The following TNK2 variants were observed in gnomAD, a reference collection of about 807,000 sequenced individuals.
TNK2 encodes tyrosine kinase non receptor 2.
A neutral mutation model predicts 101.8 loss-of-function variants in TNK2; 83 were observed. The ratio of observed to expected loss-of-function variants is 0.82; its 90% CI spans 0.68 to 0.98. The LOEUF (loss-of-function observed/expected upper bound fraction) is 0.98. TNK2 is among the 50% of genes least tolerant of loss of function. The pLI is 0.00. For missense variants in TNK2, 1,665 were observed against 1,483.2 expected, an observed-to-expected ratio of 1.12 and a Z score of -2.01; for synonymous variants, 804 against 633.0, an observed-to-expected ratio of 1.27 and a Z score of -4.06.
At chr3:195,879,027 G>T in intron 7 of TNK2, 22 bp downstream of exon 7, 1 of 1,611,438 alleles carries the variant, frequency 6.2e-7, no homozygotes, top group Non-Finnish European at 8.5e-7. Flanking sequence ...AGCCCTATGG[G>T]GGCCCGTCTC....
At chr3:195,881,485 C>CA (rs1399299295) in intron 6 of TNK2, among the ~76,000 whole-genome samples, 3 of 117,566 alleles carry the variant, frequency 2.6e-5, no homozygotes, top group Non-Finnish European at 1.8e-5. Flanking sequence ...CCTCTAACAC[C>CA]CCCCCCAGCA....
At chr3:195,873,498 G>C (rs76861300) in intron 9 of TNK2, among the ~76,000 whole-genome samples, 3 of 106,212 alleles carry the variant, frequency 2.8e-5, no homozygotes, top group Non-Finnish European at 6.1e-5. Context: ...TGTCTGGGCA[G>C]GCGGGGGCGG....
intron 9 of TNK2, 124 bp from the exon 10 acceptor site, chr3:195,872,594 G>T: frequency 9.8e-7 from 1 of 1,021,360 alleles, no homozygotes; most frequent in Non-Finnish European, 1.4e-6. Flanking sequence ...GGACCAGGCT[G>T]TGTGCCACCG....
At chr3:195,871,335 G>A (rs967923474) in intron 10 of TNK2, among the ~76,000 whole-genome samples, 2 of 152,100 alleles carry the variant, frequency 1.3e-5, no homozygotes, top group Non-Finnish European at 2.9e-5. Flanking sequence ...CTGTGTGGTG[G>A]GGAGGCGGAG....
chr3:195,869,383 A>ACCCCCCC, intron 12 of TNK2, 114 bp downstream of exon 12: 1 of 1,052,608 alleles, frequency 9.5e-7, no homozygotes. Flanking sequence ...CTCACAGCAC[A>ACCCCCCC]CACCCACCCA....
intron 6 of TNK2, 149 bp from the exon 7 acceptor site, chr3:195,879,324 C>G: frequency 8.2e-7 from 1 of 1,222,128 alleles, no homozygotes; most frequent in South Asian, 1.5e-5. Flanking sequence ...GTGAAGCGGG[C>G]AGGACCCCTT....
chr3:195,895,623 C>T (rs966776730), intron 1 of TNK2: 1 of 1,288,806 alleles, frequency 7.8e-7, no homozygotes, highest in Non-Finnish European at 9.8e-7. Flanking sequence ...TGACCCCCAC[C>T]GAGAGCCGGG....
At chr3:195,887,586 T>C (rs1756283602) in intron 2 of TNK2, among the ~76,000 whole-genome samples, 2 of 152,248 alleles carry the variant, frequency 1.3e-5, no homozygotes, top group African/African-American at 4.8e-5. Context: ...TGACACATTA[T>C]TACCTATTTA....
chr3:195,907,039 T>C lies in TNK2; in HGVS notation c.-19+1446A>G, dbSNP rs182598393. ...AGGAAGTTACACAGCTTGTAAGCGA[T>C]ATAACCAGATCAAAAGCAATCTGTG... On this transcript the variant is annotated intron_variant, in intron 1 of 15. Transcript: ENST00000672887. 1.6e-3 allele frequency among the ~76,000 whole-genome samples: 238 copies of C among 152,258 alleles called. 2 individuals are homozygous for C. Among genetic ancestry groups the C allele is most frequent in the African/African-American group, 5.3e-3 (220 of 41,548 alleles).
chr3:195,883,986 T>C (rs1754456937), intron 4 of TNK2: 1 of 152,450 alleles, frequency 6.6e-6, no homozygotes, highest in African/African-American at 2.4e-5. Context: ...AAGGACGCAC[T>C]GAGTGGACGG....
intron 15 of TNK2, among the ~76,000 whole-genome samples, chr3:195,865,292 CAGTA>C (rs1337921156): frequency 6.9e-6 from 1 of 144,050 alleles, no homozygotes; most frequent in African/African-American, 2.6e-5. Context: ...AGGTGCAAAT[CAGTA>C]AGAACCACCC....
rs575254100 is a variant in TNK2, at chr3:195,873,118, T to C, written c.1257-648A>G. Among the ~76,000 whole-genome samples the C allele has an allele frequency of 4.2e-3, 638 of 152,256 alleles. 2 individuals are homozygous for C. The highest frequency in any genetic ancestry group is 6.9e-3 in the Non-Finnish European group (472 of 67,984). ...GCTTTCCACCACCTCCCGGAAGGCCTGCGGGAGCCTCCCCGTCTCCTCAGG... is the reference window on the plus strand; with the variant it reads ...GCTTTCCACCACCTCCCGGAAGGCCCGCGGGAGCCTCCCCGTCTCCTCAGG... On this transcript the variant is annotated intron_variant, in intron 9 of 15. Transcript: ENST00000672887.
Position 195,883,226 on chromosome 3 carries a change from G to C in TNK2, c.540C>G (p.Ala180=). 6.2e-7 allele frequency: 1 copy of C among 1,611,394 alleles called. No individual in the cohort carries two copies. The highest frequency in any genetic ancestry group is 8.5e-7 in the Non-Finnish European group (1 of 1,179,536). ...AMDDFIREVN[A]MHSLDHRNLI... is the part of the protein sequence containing the mutation. ...GGTTTCGGTGGTCGAGCGAGTGCAT[G>C]GCATTGACCTCCCGGATGAAGTCGT... is the stretch of plus-strand genomic sequence containing the variant. The change falls in exon 5 of 16, where the codon GCC becomes GCG. Residue 180 remains alanine, a synonymous_variant. Coordinates refer to ENST00000672887, the MANE Select transcript of TNK2 (RefSeq NM_001382273.1).
intron 9 of TNK2, among the ~76,000 whole-genome samples, chr3:195,874,384 C>T (rs917518356): frequency 2.0e-5 from 3 of 152,204 alleles, no homozygotes; most frequent in African/African-American, 7.2e-5. Flanking sequence ...CAGGTATGGC[C>T]GAGGCAAGAG....
At chr3:195,874,314 G>A (rs559925224) in intron 9 of TNK2, among the ~76,000 whole-genome samples, 94 of 152,348 alleles carry the variant, frequency 6.2e-4, no homozygotes, top group African/African-American at 2.2e-3. Context: ...AGGCACAGAA[G>A]CCTCCTTTGG....
In TNK2 at chr3:195,890,456, T is replaced by G. The variant is rs1029989740; in HGVS notation, c.-18-1850A>C. On this transcript the variant is annotated intron_variant, in intron 1 of 15. Coordinates refer to ENST00000672887, the MANE Select transcript of TNK2 (RefSeq NM_001382273.1). ...GAAAGTACTTTTATAGTTTTTTGGT[T>G]TTTTTTTTTTTTTTTTTTGAGACAG... 1.3e-4 allele frequency among the ~76,000 whole-genome samples: 6 copies of G among 47,680 alleles called. No homozygotes were observed. The South Asian group carries it at 1.7e-3, about 13-fold the overall frequency. The allele number at this position is 47,680 out of a possible 152,430, so 31.3% of individuals were successfully genotyped here.
chr3:195,878,235 C>G lies in TNK2; in HGVS notation c.1256+18G>C. 6.2e-7 allele frequency: 1 copy of G among 1,612,680 alleles called. No individual in the cohort carries two copies. The highest frequency in any genetic ancestry group is 8.5e-7 in the Non-Finnish European group (1 of 1,178,764). Reference sequence around the variant, plus strand: ...CTTCAAGCGATCCCAGGGCGGGGCCCAGCCCTGCACTCCCTACCTTCCCTC... The same window carrying G: ...CTTCAAGCGATCCCAGGGCGGGGCCGAGCCCTGCACTCCCTACCTTCCCTC... On this transcript the variant is annotated intron_variant, in intron 9 of 15. Coordinates refer to ENST00000672887, the MANE Select transcript of TNK2 (RefSeq NM_001382273.1). This position sits in a 1 kb window ranked among gnomAD's most constrained non-coding sequence, Gnocchi z 4.7.
chr3:195,870,247 G>T, intron 10 of TNK2, 42 bp from the exon 11 acceptor site: 1 of 1,600,086 alleles, frequency 6.2e-7, no homozygotes, highest in Middle Eastern at 1.7e-4. Flanking sequence ...GGGGAAGCGT[G>T]TGGAGGGGTG....
rs889260118 is a variant in TNK2, at chr3:195,886,822, C to G, written c.234+155G>C. ...CCAGCAGCTCTACAAGTGCCCTGCC[C>G]GATAAGACCCTGGACGAGGGGGTCC... On this transcript the variant is annotated intron_variant, in intron 3 of 15. Coordinates refer to ENST00000672887, the MANE Select transcript of TNK2 (RefSeq NM_001382273.1). The surrounding 1 kb of genome is among the most constrained non-coding windows in gnomAD (Gnocchi z 4.2). Among the ~76,000 whole-genome samples, 3 of 152,190 alleles carry G rather than the reference C, an allele frequency of 2.0e-5. No homozygotes were observed. The highest frequency in any genetic ancestry group is 6.5e-5 in the Admixed American group (1 of 15,290).
Sources: allele counts gnomAD v4.1 joint callset (sites outside exome capture counted in the v4.1 genomes callset), GRCh38; gene constraint gnomAD v4.1.1; non-coding constraint Gnocchi (gnomAD v3.1); transcripts MANE v1.5; gene names NCBI Gene and HGNC (gene_info 2026-07-23, HGNC 2026-07-21).